BMPER: variants seen among roughly 807,000 people sequenced by gnomAD.
The protein encoded by BMPER is BMP-binding endothelial regulator protein.
A neutral mutation model predicts 87.3 loss-of-function variants in BMPER; 45 were observed. That is an observed-to-expected ratio of 0.52 (90% CI 0.41 to 0.66). The LOEUF (loss-of-function observed/expected upper bound fraction) is 0.66. Ranked by LOEUF, BMPER falls within the 30% of genes least tolerant of loss-of-function variation. The pLI is 0.00. For missense variants in BMPER, 784 were observed against 867.5 expected (o/e 0.90, Z 1.21); for synonymous variants, 326 against 316.2 (o/e 1.03, Z -0.33).
At chr7:33,991,028 T>C (rs1164739353) in intron 6 of BMPER, among the ~76,000 whole-genome samples, 4 of 144,952 alleles carry the variant, frequency 2.8e-5, no homozygotes, top group Non-Finnish European at 6.0e-5. Flanking sequence ...CAGTATTTTA[T>C]TGAGGATTTT....
intron 6 of BMPER, among the ~76,000 whole-genome samples, chr7:34,031,883 C>CATATATATATAT (rs757962483): frequency 1.9e-5 from 1 of 53,062 alleles, no homozygotes; most frequent in Non-Finnish European, 3.6e-5. Context: ...TTAATTTGAC[C>CATATATATATAT]ATATATATAT....
chr7:33,980,140 A>G (rs760346059), intron 6 of BMPER, among the ~76,000 whole-genome samples: 1 of 152,228 alleles, frequency 6.6e-6, no homozygotes, highest in Non-Finnish European at 1.5e-5. Context: ...CAGAAAATGC[A>G]GTGCTTTCTT....
intron 13 of BMPER, among the ~76,000 whole-genome samples, chr7:34,125,333 T>A (rs1014582): frequency 0.76 from 116,043 of 152,090 alleles, 44,872 homozygotes; most frequent in East Asian, 0.95. Flanking sequence ...GCTGATCATT[T>A]GTCCCCTCCT....
chr7:33,986,874 A>G (rs1331811513), intron 6 of BMPER, among the ~76,000 whole-genome samples: 3 of 152,178 alleles, frequency 2.0e-5, no homozygotes, highest in Non-Finnish European at 2.9e-5. Flanking sequence ...AACTTCATTT[A>G]AAAAACCAGT....
chr7:33,962,184 C>G (rs1386386248), intron 3 of BMPER, among the ~76,000 whole-genome samples: 1 of 152,156 alleles, frequency 6.6e-6, no homozygotes, highest in Admixed American at 6.5e-5. Flanking sequence ...TATTGCTTAA[C>G]TGTGGATTCA....
At chr7:34,038,009 C>T (rs1000161344) in intron 6 of BMPER, among the ~76,000 whole-genome samples, 5 of 152,102 alleles carry the variant, frequency 3.3e-5, no homozygotes, top group Admixed American at 1.3e-4. Flanking sequence ...TTTGGGACTA[C>T]ACAGAGAAAT....
At chr7:34,129,980 T>C (rs2127991412) in intron 13 of BMPER, among the ~76,000 whole-genome samples, 1 of 152,312 alleles carries the variant, frequency 6.6e-6, no homozygotes, top group South Asian at 2.1e-4. Flanking sequence ...TTTTTCTTTT[T>C]CTTTTTTTCA....
At chr7:34,030,607 T>G (rs1787495726) in intron 6 of BMPER, among the ~76,000 whole-genome samples, 1 of 151,894 alleles carries the variant, frequency 6.6e-6, no homozygotes, top group African/African-American at 2.4e-5. Flanking sequence ...TGCAGGAGAT[T>G]ATTGATAGAA....
intron 13 of BMPER, among the ~76,000 whole-genome samples, chr7:34,122,795 A>T (rs1790295392): frequency 6.6e-6 from 1 of 152,116 alleles, no homozygotes; most frequent in African/African-American, 2.4e-5. Flanking sequence ...CTCTGAGTTT[A>T]TGATAGGTAC....
At chr7:33,968,565 T>C (rs919544570) in intron 4 of BMPER, among the ~76,000 whole-genome samples, 29 of 152,162 alleles carry the variant, frequency 1.9e-4, no homozygotes, top group African/African-American at 7.0e-4. Flanking sequence ...ACTTGCTACT[T>C]AACCTCGCTG....
intron 6 of BMPER, among the ~76,000 whole-genome samples, chr7:34,013,602 C>A (rs1257774820): frequency 6.6e-6 from 1 of 151,778 alleles, no homozygotes; most frequent in Non-Finnish European, 1.5e-5. Flanking sequence ...AGTTGCGAAA[C>A]CATTACCAAA....
At chr7:34,143,818 G>T (rs1790942784) in intron 14 of BMPER, among the ~76,000 whole-genome samples, 1 of 152,094 alleles carries the variant, frequency 6.6e-6, no homozygotes, top group Admixed American at 6.5e-5. Flanking sequence ...TATAATAGTT[G>T]TCGCCTCAGG....
At chr7:33,966,019 G>A (rs1785397560) in intron 3 of BMPER, among the ~76,000 whole-genome samples, 1 of 152,212 alleles carries the variant, frequency 6.6e-6, no homozygotes, top group African/African-American at 2.4e-5. Flanking sequence ...AATCTTAGAT[G>A]AGTATAGAAT....
At chr7:33,917,116 G>A (rs764620538) in intron 2 of BMPER, among the ~76,000 whole-genome samples, 1 of 152,138 alleles carries the variant, frequency 6.6e-6, no homozygotes, top group Non-Finnish European at 1.5e-5. Context: ...TCCCTGACAA[G>A]GCAGGAGGTA....
chr7:33,987,045 C>T (rs946890815), intron 6 of BMPER, among the ~76,000 whole-genome samples: 3 of 152,042 alleles, frequency 2.0e-5, no homozygotes, highest in Non-Finnish European at 2.9e-5. Flanking sequence ...TCCCATCAGG[C>T]GCTCTGCACG....
intron 13 of BMPER, 59 bp from the exon 14 acceptor site, chr7:34,143,171 T>A: frequency 6.2e-7 from 1 of 1,604,894 alleles, no homozygotes. Flanking sequence ...GAAGTTATAT[T>A]TAGGGTGTTT....
At chr7:33,910,804 T>C (rs1225596285) in intron 2 of BMPER, among the ~76,000 whole-genome samples, 6 of 152,190 alleles carry the variant, frequency 3.9e-5, no homozygotes, top group African/African-American at 1.4e-4. Context: ...AAAAATCTAA[T>C]ATCGCTGAAC....
chr7:34,114,016 T>C (rs1208396798), intron 13 of BMPER, among the ~76,000 whole-genome samples: 1 of 152,220 alleles, frequency 6.6e-6, no homozygotes, highest in East Asian at 1.9e-4. Context: ...ACACAATTGG[T>C]ATTGTTACTG....
At chr7:34,041,342 A>T (rs1787827494) in intron 6 of BMPER, among the ~76,000 whole-genome samples, 1 of 152,030 alleles carries the variant, frequency 6.6e-6, no homozygotes, top group Admixed American at 6.6e-5. Flanking sequence ...GTCACTCACT[A>T]CCTATTGGAG....
Sources: allele counts gnomAD v4.1 joint callset (sites outside exome capture counted in the v4.1 genomes callset), GRCh38; gene constraint gnomAD v4.1.1; transcripts MANE v1.5; gene names NCBI Gene and HGNC (gene_info 2026-07-23, HGNC 2026-07-21).